GAB2: variants seen among roughly 807,000 people sequenced by gnomAD.
GAB2 encodes the protein GRB2-associated-binding protein 2.
In GAB2, 26 loss-of-function variants were observed where a neutral mutation model predicts 65.5. That is an observed-to-expected ratio of 0.40 (90% CI 0.29 to 0.55). The LOEUF is 0.55. Ranked by LOEUF, GAB2 falls within the 20% of genes least tolerant of loss-of-function variation. The pLI, the probability that GAB2 is intolerant of heterozygous loss-of-function variation, is 0.53. For synonymous variants in GAB2, 321 were observed against 329.6 expected, an observed-to-expected ratio of 0.97 and a Z score of 0.28; for missense variants, 884 against 875.8, an observed-to-expected ratio of 1.01 and a Z score of -0.12.
chr11:78,389,955 A>C (rs534845107), intron 1 of GAB2, among the ~76,000 whole-genome samples: 2 of 152,224 alleles, frequency 1.3e-5, no homozygotes, highest in Non-Finnish European at 2.9e-5. Flanking sequence ...ATAAGATAAT[A>C]CTTTGTTCTT....
chr11:78,377,852 A>C (rs543131646), intron 1 of GAB2, among the ~76,000 whole-genome samples: 22 of 152,322 alleles, frequency 1.4e-4, no homozygotes, highest in Admixed American at 2.0e-4. Context: ...AGAGATAAGG[A>C]GGATGAATCT....
chr11:78,364,055 G>C (rs988737399), intron 1 of GAB2: 1 of 152,082 alleles, frequency 6.6e-6, no homozygotes, highest in African/African-American at 2.4e-5. Context: ...AGAGATATTT[G>C]AGTTAATTCT....
chr11:78,391,303 T>A (rs1223866818), intron 1 of GAB2, among the ~76,000 whole-genome samples: 1 of 151,898 alleles, frequency 6.6e-6, no homozygotes, highest in East Asian at 1.9e-4. Flanking sequence ...AATTAAAAAA[T>A]AAATAAATAA....
At chr11:78,340,506 T>A (rs1856073407) in intron 1 of GAB2, among the ~76,000 whole-genome samples, 1 of 152,112 alleles carries the variant, frequency 6.6e-6, no homozygotes, top group African/African-American at 2.4e-5. Flanking sequence ...TCCTATCACT[T>A]TGAAATCTTT....
chr11:78,414,052 A>T (rs1404918996), intron 1 of GAB2, among the ~76,000 whole-genome samples: 1 of 147,046 alleles, frequency 6.8e-6, no homozygotes, highest in Non-Finnish European at 1.5e-5. Context: ...CGTGCATTGC[A>T]CTCCAGCCTA....
At chr11:78,292,773 T>C (rs1222319172) in intron 1 of GAB2, among the ~76,000 whole-genome samples, 1 of 152,216 alleles carries the variant, frequency 6.6e-6, no homozygotes, top group Non-Finnish European at 1.5e-5. Context: ...ATAGAGACTT[T>C]ATACTCTCTG....
In GAB2 at chr11:78,223,493, G is replaced by T. The variant is rs1049672308; in HGVS notation, c.1486C>A (p.Leu496Ile). 5.6e-6 allele frequency: 9 copies of T among 1,609,940 alleles called. No homozygotes were observed. The highest frequency in any genetic ancestry group is 1.7e-5 in the Admixed American group (1 of 59,426). ...FDSLGYPSTT[L>I]PVHRGPSRGS... Reference sequence around the variant, plus strand: ...CTGCTGGGGCCTCGGTGCACAGGAAGGGTTGTTGATGGGTAGCCAAGTGAG... The same window carrying T: ...CTGCTGGGGCCTCGGTGCACAGGAATGGTTGTTGATGGGTAGCCAAGTGAG... The change falls in exon 6 of 10, where the codon CTT (leucine) becomes ATT (isoleucine). Residue 496 changes from leucine (L) to isoleucine (I), a missense_variant. By Grantham distance (5) the Leu-to-Ile change is conservative. Transcript: ENST00000361507.
intron 1 of GAB2, among the ~76,000 whole-genome samples, chr11:78,318,482 A>G (rs899887210): frequency 1.9e-4 from 29 of 151,788 alleles, no homozygotes; most frequent in Admixed American, 6.6e-5. Context: ...CATAGTAGAA[A>G]TATCACTTTG....
At chr11:78,400,257 T>A (rs947553285) in intron 1 of GAB2, among the ~76,000 whole-genome samples, 2 of 152,166 alleles carry the variant, frequency 1.3e-5, no homozygotes, top group African/African-American at 4.8e-5. Context: ...TGAGTCCAAC[T>A]CACATGTCCA....
intron 2 of GAB2, among the ~76,000 whole-genome samples, chr11:78,250,829 C>A (rs1030802207): frequency 6.6e-6 from 1 of 152,110 alleles, no homozygotes; most frequent in Non-Finnish European, 1.5e-5. Context: ...ACATCATTAT[C>A]CCAAGTGAAT....
intron 1 of GAB2, among the ~76,000 whole-genome samples, chr11:78,314,933 G>A (rs147670125): frequency 1.1e-4 from 17 of 152,354 alleles, no homozygotes; most frequent in African/African-American, 3.8e-4. Context: ...AACGTGGTCT[G>A]TAAAGGCAGG....
chr11:78,383,452 C>A (rs775146352), intron 1 of GAB2, among the ~76,000 whole-genome samples: 24 of 147,170 alleles, frequency 1.6e-4, no homozygotes, highest in Non-Finnish European at 3.0e-4. Context: ...TTTTTTAAGA[C>A]GTGGGGTCTC....
At chr11:78,329,259 AAG>A (rs1169770885) in intron 1 of GAB2, among the ~76,000 whole-genome samples, 55 of 152,272 alleles carry the variant, frequency 3.6e-4, no homozygotes, top group African/African-American at 1.3e-3. Flanking sequence ...GGCTAGGAGA[AAG>A]AGAGTAGAGA....
intron 1 of GAB2, among the ~76,000 whole-genome samples, chr11:78,354,293 A>G (rs1856324119): frequency 6.6e-6 from 1 of 152,170 alleles, no homozygotes; most frequent in Admixed American, 6.5e-5. Flanking sequence ...CTCAAGTCTT[A>G]TTGCTTACTT....
intron 1 of GAB2, among the ~76,000 whole-genome samples, chr11:78,308,978 G>A (rs1855430364): frequency 6.6e-6 from 1 of 152,208 alleles, no homozygotes; most frequent in South Asian, 2.1e-4. Context: ...GAAGTCTAGA[G>A]ACAGGAAGAG....
intron 1 of GAB2, among the ~76,000 whole-genome samples, chr11:78,328,159 C>T (rs1008110187): frequency 6.6e-6 from 1 of 152,194 alleles, no homozygotes; most frequent in Non-Finnish European, 1.5e-5. Flanking sequence ...CGGATATACA[C>T]ACCAAACACT....
chr11:78,382,680 T>C (rs1160178182), intron 1 of GAB2, among the ~76,000 whole-genome samples: 1 of 152,200 alleles, frequency 6.6e-6, no homozygotes, highest in Non-Finnish European at 1.5e-5. Flanking sequence ...TTTCAGTCAA[T>C]TGTAATCATG....
intron 1 of GAB2, among the ~76,000 whole-genome samples, chr11:78,288,396 A>AAAG (rs1287406568): frequency 8.0e-5 from 12 of 149,892 alleles, no homozygotes; most frequent in African/African-American, 2.5e-4. Context: ...AAAAAAAAAA[A>AAAG]AAGAAGAAGA....
chr11:78,320,725 CTT>C (rs72241707), intron 1 of GAB2, among the ~76,000 whole-genome samples: 80,118 of 102,318 alleles, frequency 0.78, 31,472 homozygotes, highest in Non-Finnish European at 0.83. Flanking sequence ...TAATTTTTGC[CTT>C]TTTTTTTTTT....
Sources: allele counts gnomAD v4.1 joint callset (sites outside exome capture counted in the v4.1 genomes callset), GRCh38; gene constraint gnomAD v4.1.1; transcripts MANE v1.5; gene names NCBI Gene and HGNC (gene_info 2026-07-23, HGNC 2026-07-21).